The following GALNT18 variants were observed in gnomAD, a reference collection of about 807,000 sequenced individuals.
GALNT18 encodes GalNAc-transferase 18.
GALNT18 carries 44 observed loss-of-function variants against 69.5 expected under a neutral mutation model. That is an observed-to-expected ratio of 0.63 (90% CI 0.50 to 0.81). The LOEUF is 0.81. Among genes scored for constraint, GALNT18 ranks in the 40% least tolerant of loss-of-function variants. The pLI is 0.00. For missense variants in GALNT18, 715 were observed against 810.0 expected, an observed-to-expected ratio of 0.88 and a Z score of 1.42; for synonymous variants, 364 against 318.2, an observed-to-expected ratio of 1.14 and a Z score of -1.53.
In GALNT18 at chr11:11,563,622, G is replaced by C. The variant is rs1858569151; in HGVS notation, c.235+57737C>G. ...TCATGTCACAAGTGAGGAAACTAAG[G>C]CTCAAAGCCTAAGGCTAGCTTGTGG... On this transcript the variant is annotated intron_variant, in intron 1 of 10. Coordinates refer to ENST00000227756, the MANE Select transcript of GALNT18 (RefSeq NM_198516.3). The surrounding 1 kb of genome is among the most constrained non-coding windows in gnomAD (Gnocchi z 4.6). 6.6e-6 allele frequency among the ~76,000 whole-genome samples: 1 copy of C among 152,166 alleles called. No homozygotes were observed. The highest frequency in any genetic ancestry group is 2.4e-5 in the African/African-American group (1 of 41,434).
chr11:11,503,827 G>A (rs1211575207), intron 1 of GALNT18, among the ~76,000 whole-genome samples: 2 of 152,060 alleles, frequency 1.3e-5, no homozygotes. Context: ...TGTACAATCC[G>A]ATGAATTTTC....
Position 11,332,192 on chromosome 11 carries a change from T to G in GALNT18, c.1416+502A>C, listed in dbSNP as rs1850027446. On this transcript the variant is annotated intron_variant, in intron 8 of 10. Transcript: ENST00000227756. The surrounding 1 kb of genome is among the most constrained non-coding windows in gnomAD (Gnocchi z 4.3). ...CTTTCTCCCTCCCATCAGGGAGAAC[T>G]TCTCTGTGCCCATCAACAAGCAGTA... Among the ~76,000 whole-genome samples, 5 of 152,064 alleles carry G rather than the reference T, an allele frequency of 3.3e-5. No homozygotes were observed. Among genetic ancestry groups the G allele is most frequent in the Admixed American group, 3.3e-4 (5 of 15,266 alleles).
chr11:11,273,026 AAATC>A (rs1485407230), intron 10 of GALNT18, among the ~76,000 whole-genome samples: 1 of 150,528 alleles, frequency 6.6e-6, no homozygotes, highest in Non-Finnish European at 1.5e-5. Context: ...CTATATATGA[AAATC>A]AAATCAAAAT....
At position 11,320,140 on chromosome 11, in the gene GALNT18, A is replaced by T. The variant is rs1849819454; in HGVS notation, c.1512+6946T>A. Among the ~76,000 whole-genome samples the T allele has an allele frequency of 6.6e-6, 1 of 152,200 alleles. No individual in the cohort carries two copies. Among genetic ancestry groups the T allele is most frequent in the African/African-American group, 2.4e-5 (1 of 41,448 alleles). ...AGTGGCATGGCTGGGATTTGAACCC[A>T]TATAGTCTGGTTCTTAATCACTATA... On this transcript the variant is annotated intron_variant, in intron 9 of 10. Transcript: ENST00000227756. This position sits in a 1 kb window ranked among gnomAD's most constrained non-coding sequence, Gnocchi z 4.9.
At chr11:11,292,222 TC>T (rs1389074532) in intron 10 of GALNT18, among the ~76,000 whole-genome samples, 1 of 152,132 alleles carries the variant, frequency 6.6e-6, no homozygotes, top group African/African-American at 2.4e-5. Context: ...CTTTACCTGC[TC>T]CACCTGGGAG....
At chr11:11,474,401 C>T (rs746115303) in intron 1 of GALNT18, among the ~76,000 whole-genome samples, 3 of 152,124 alleles carry the variant, frequency 2.0e-5, no homozygotes, top group Admixed American at 6.5e-5. Flanking sequence ...GGGGAAAGAT[C>T]GTACAGGACC....
chr11:11,445,326 T>A (rs1329485449), intron 2 of GALNT18, among the ~76,000 whole-genome samples: 2 of 152,208 alleles, frequency 1.3e-5, no homozygotes, highest in African/African-American at 4.8e-5. Flanking sequence ...CTCAGAAGGT[T>A]TTACTGTGAA....
intron 1 of GALNT18, among the ~76,000 whole-genome samples, chr11:11,530,493 G>A (rs1371912305): frequency 6.6e-6 from 1 of 152,210 alleles, no homozygotes. Flanking sequence ...CGTGAGCTTT[G>A]TGATCTGGAG....
At chr11:11,327,927 C>T (rs1045272748) in intron 8 of GALNT18, among the ~76,000 whole-genome samples, 7 of 152,324 alleles carry the variant, frequency 4.6e-5, no homozygotes, top group East Asian at 1.9e-4. Flanking sequence ...CACCAACCCA[C>T]GCTTCAGAAT....
intron 3 of GALNT18, among the ~76,000 whole-genome samples, chr11:11,394,255 A>C (rs899827573): frequency 6.6e-6 from 1 of 152,174 alleles, no homozygotes. Context: ...GGCATTAAAA[A>C]ACCATCACAG....
rs373107629 is a variant in GALNT18 at position 11,538,487 on chromosome 11, A to G, written c.235+82872T>C. Reference sequence around the variant, plus strand: ...GGCCTGGGCCTGCAGGGTGGGAGAGACCAGCATACCACAAGCACCCTGTGG... The same window carrying G: ...GGCCTGGGCCTGCAGGGTGGGAGAGGCCAGCATACCACAAGCACCCTGTGG... On this transcript the variant is annotated intron_variant, in intron 1 of 10. Transcript: ENST00000227756. The surrounding 1 kb of genome is among the most constrained non-coding windows in gnomAD (Gnocchi z 5.2). Among the ~76,000 whole-genome samples the G allele has an allele frequency of 2.6e-4, 40 of 152,304 alleles. No individual in the cohort carries two copies. The South Asian group carries it at 3.3e-3, about 13-fold the overall frequency.
At chr11:11,524,298 T>C (rs1857469726) in intron 1 of GALNT18, among the ~76,000 whole-genome samples, 1 of 152,204 alleles carries the variant, frequency 6.6e-6, no homozygotes, top group Non-Finnish European at 1.5e-5. Context: ...CATGACTCTA[T>C]TTAATTTCAT....
chr11:11,574,919 G>A (rs1255796436), intron 1 of GALNT18, among the ~76,000 whole-genome samples: 1 of 152,208 alleles, frequency 6.6e-6, no homozygotes, highest in Non-Finnish European at 1.5e-5. Flanking sequence ...CCCAAAGCAT[G>A]CAAATTAATA....
intron 3 of GALNT18, among the ~76,000 whole-genome samples, chr11:11,410,845 C>A (rs1589979124): frequency 6.6e-6 from 1 of 152,202 alleles, no homozygotes; most frequent in Admixed American, 6.5e-5. Context: ...TTACTTAACC[C>A]AAGCTGTTAG....
At chr11:11,358,757 T>C (rs1850582186) in intron 6 of GALNT18, among the ~76,000 whole-genome samples, 1 of 136,182 alleles carries the variant, frequency 7.3e-6, no homozygotes, top group Admixed American at 7.4e-5. Flanking sequence ...AGGATAATGC[T>C]AAAGGGATTC....
chr11:11,325,828 T>A (rs916734576), intron 9 of GALNT18, among the ~76,000 whole-genome samples: 1 of 152,112 alleles, frequency 6.6e-6, no homozygotes, highest in Admixed American at 6.5e-5. Context: ...GGCCTGCAAT[T>A]AACCAGCCAG....
intron 1 of GALNT18, among the ~76,000 whole-genome samples, chr11:11,528,108 T>A (rs1237182451): frequency 6.6e-6 from 1 of 152,146 alleles, no homozygotes; most frequent in African/African-American, 2.4e-5. Flanking sequence ...AGAGAGTAGG[T>A]GACATATGAA....
In GALNT18 at chr11:11,621,354, C is replaced by G. The variant is rs368322626; in HGVS notation, c.235+5G>C. The G allele has an allele frequency of 1.2e-6, 2 of 1,612,498 alleles. No individual in the cohort carries two copies. The highest frequency in any genetic ancestry group is 2.2e-5 in the South Asian group (2 of 91,012). On this transcript the variant is annotated splice_donor_5th_base_variant and intron_variant, in intron 1 of 10. Coordinates refer to ENST00000227756, the MANE Select transcript of GALNT18 (RefSeq NM_198516.3). This position sits in a 1 kb window ranked among gnomAD's most constrained non-coding sequence, Gnocchi z 9.3. ...GGGCGACCCAAGTTTCCGGGGCGCC[C>G]GTACCTTGAATGTGCTGCTTGATGA...
rs576036749 is a variant in GALNT18 at position 11,382,981 on chromosome 11, C to T, written c.596-3717G>A. Among the ~76,000 whole-genome samples, 1 of 152,248 alleles carries T rather than the reference C, an allele frequency of 6.6e-6. No individual in the cohort carries two copies. Among genetic ancestry groups the T allele is most frequent in the South Asian group, 2.1e-4 (1 of 4,816 alleles). Reference sequence around the variant, plus strand: ...TGTTGACAGAGAAATACAATTTGCACCCTGCATGGGGCCAGGTGTCATCCT... The same window carrying T: ...TGTTGACAGAGAAATACAATTTGCATCCTGCATGGGGCCAGGTGTCATCCT... On this transcript the variant is annotated intron_variant, in intron 3 of 10. Transcript: ENST00000227756. This position sits in a 1 kb window ranked among gnomAD's most constrained non-coding sequence, Gnocchi z 4.3.
Sources: gnomAD v4.1 joint callset for allele counts (sites outside exome capture counted in the v4.1 genomes callset) on GRCh38, gnomAD v4.1.1 for gene constraint, Gnocchi (gnomAD v3.1) non-coding constraint, MANE v1.5 for transcripts, NCBI Gene and HGNC (gene_info 2026-07-23, HGNC 2026-07-21) for gene names.